The following CAMK1D variants were observed in gnomAD, a reference collection of about 807,000 sequenced individuals.
CAMK1D encodes the protein calcium/calmodulin-dependent protein kinase type 1D.
CAMK1D carries 9 observed loss-of-function variants against 47.7 expected under a neutral mutation model. The ratio of observed to expected loss-of-function variants is 0.19; its 90% CI spans 0.11 to 0.33. The LOEUF is 0.33. Ranked by LOEUF, CAMK1D falls within the 10% of genes least tolerant of loss-of-function variation. The probability of loss-of-function intolerance (pLI) is 1.00; values close to 1 mark genes in which losing one functional copy is unlikely to be tolerated. For missense variants in CAMK1D, 291 were observed against 488.7 expected (o/e 0.60, Z 3.81); for synonymous variants, 184 against 184.9 (o/e 0.99, Z 0.04).
chr10:12,358,309 G>A (rs1482734063), intron 1 of CAMK1D, among the ~76,000 whole-genome samples: 2 of 152,186 alleles, frequency 1.3e-5, no homozygotes, highest in Admixed American at 6.5e-5. Flanking sequence ...AGGCTGAGGC[G>A]AGTGGATCAC....
chr10:12,466,426 T>G (rs994485224), intron 1 of CAMK1D, among the ~76,000 whole-genome samples: 19 of 149,114 alleles, frequency 1.3e-4, no homozygotes, highest in Non-Finnish European at 2.8e-4. Flanking sequence ...CAAACAAAAA[T>G]TTTTAAAATT....
intron 3 of CAMK1D, among the ~76,000 whole-genome samples, chr10:12,693,096 G>A (rs1414593361): frequency 1.3e-5 from 2 of 152,130 alleles, no homozygotes; most frequent in African/African-American, 4.8e-5. Context: ...GGGCTTGGTG[G>A]CTCACACCTG....
intron 1 of CAMK1D, among the ~76,000 whole-genome samples, chr10:12,456,108 A>G (rs1353680468): frequency 6.6e-6 from 1 of 152,224 alleles, no homozygotes; most frequent in East Asian, 1.9e-4. Flanking sequence ...TTTTCTCATT[A>G]TAGATTCTCA....
intron 2 of CAMK1D, among the ~76,000 whole-genome samples, chr10:12,608,349 C>T (rs182641609): frequency 1.0e-3 from 154 of 152,214 alleles, no homozygotes; most frequent in African/African-American, 3.4e-3. Context: ...ACCTGGGAGG[C>T]GGAGGTTACA....
intron 1 of CAMK1D, among the ~76,000 whole-genome samples, chr10:12,415,455 ATTTTTTTT>A (rs5783266): frequency 4.3e-5 from 4 of 93,138 alleles, no homozygotes; most frequent in Non-Finnish European, 8.5e-5. Context: ...CGCCTGGCTA[ATTTTTTTT>A]TTTTTTTTTT....
chr10:12,427,688 A>G (rs777470046), intron 1 of CAMK1D, among the ~76,000 whole-genome samples: 13 of 59,130 alleles, frequency 2.2e-4, no homozygotes, highest in Non-Finnish European at 5.4e-4. Context: ...TCCTGGCTTC[A>G]CTGAACTTAC....
At position 12,479,484 on chromosome 10, in the gene CAMK1D, C is replaced by T. The variant is rs537658106; in HGVS notation, c.93-73741C>T. ...TTGCTGGGATTATAGGCGCCAGCAC[C>T]GAGCCCGGCCGAGAAGCTGCATTTC... On this transcript the variant is annotated intron_variant, in intron 1 of 10. Transcript: ENST00000619168. Among the ~76,000 whole-genome samples, 23 of 152,334 alleles carry T rather than the reference C, an allele frequency of 1.5e-4. No individual in the cohort carries two copies. The South Asian group carries it at 4.4e-3, about 29-fold the overall frequency.
chr10:12,768,047 A>T (rs1836860488), intron 4 of CAMK1D, among the ~76,000 whole-genome samples: 1 of 151,972 alleles, frequency 6.6e-6, no homozygotes, highest in Non-Finnish European at 1.5e-5. Context: ...TAATTTTTGT[A>T]TTTTTAGTAG....
intron 4 of CAMK1D, among the ~76,000 whole-genome samples, chr10:12,763,922 A>G (rs946685663): frequency 6.6e-6 from 1 of 152,118 alleles, no homozygotes; most frequent in African/African-American, 2.4e-5. Flanking sequence ...TTGTGATGCA[A>G]TGTGGGCCAG....
intron 1 of CAMK1D, among the ~76,000 whole-genome samples, chr10:12,393,619 CCTGTAAG>C (rs1838827055): frequency 6.6e-6 from 1 of 152,182 alleles, no homozygotes; most frequent in Admixed American, 6.5e-5. Flanking sequence ...CTCCCTGTAT[CCTGTAAG>C]CAGAGACCAA....
intron 3 of CAMK1D, among the ~76,000 whole-genome samples, chr10:12,723,298 T>C (rs1042248815): frequency 1.3e-5 from 2 of 152,230 alleles, no homozygotes; most frequent in Non-Finnish European, 2.9e-5. Context: ...AAGGAAAAGA[T>C]GTCTGACCTC....
chr10:12,786,551 G>T (rs562588832), intron 5 of CAMK1D, among the ~76,000 whole-genome samples: 2 of 152,160 alleles, frequency 1.3e-5, no homozygotes, highest in East Asian at 1.9e-4. Context: ...TTTTTTATTT[G>T]TTTGTTTGTT....
Position 12,631,839 on chromosome 10 carries a change from T to G in CAMK1D, c.225-34897T>G, listed in dbSNP as rs146731510. On this transcript the variant is annotated intron_variant, in intron 2 of 10. Coordinates refer to ENST00000619168, the MANE Select transcript of CAMK1D (RefSeq NM_153498.4). ...AGGCAAATAAAGTGATATGACAGGATAGAGCGTGAGGAAAGCACTTTCCAC... is the reference window on the plus strand; with the variant it reads ...AGGCAAATAAAGTGATATGACAGGAGAGAGCGTGAGGAAAGCACTTTCCAC... 8.2e-3 allele frequency among the ~76,000 whole-genome samples: 1,250 copies of G among 152,288 alleles called. 16 individuals carry two copies. Among genetic ancestry groups the G allele is most frequent in the African/African-American group, 0.029 (1,187 of 41,552 alleles).
intron 3 of CAMK1D, among the ~76,000 whole-genome samples, chr10:12,694,898 A>G (rs1833202718): frequency 6.6e-6 from 1 of 152,050 alleles, no homozygotes; most frequent in Non-Finnish European, 1.5e-5. Flanking sequence ...GTAATTTTGT[A>G]TTTTGCTAAA....
At chr10:12,786,131 T>C (rs1174583393) in intron 5 of CAMK1D, among the ~76,000 whole-genome samples, 1 of 152,172 alleles carries the variant, frequency 6.6e-6, no homozygotes, top group Non-Finnish European at 1.5e-5. Context: ...ACAAGTGAAA[T>C]TAGAATTTAG....
chr10:12,508,919 T>G (rs11257840), intron 1 of CAMK1D, among the ~76,000 whole-genome samples: 61,522 of 152,014 alleles, frequency 0.4, 13,024 homozygotes, highest in South Asian at 0.47. Flanking sequence ...CCTGGAAAAT[T>G]CTTTGTCCTG....
chr10:12,816,357 G>A (rs41291297), intron 8 of CAMK1D, 29 bp downstream of exon 8: 44 of 1,597,772 alleles, frequency 2.8e-5, no homozygotes, highest in East Asian at 6.7e-5. Flanking sequence ...TCAGCAGACC[G>A]TGCCATTTAA....
In CAMK1D at chr10:12,526,288, C is replaced by T. The variant is rs375758203; in HGVS notation, c.93-26937C>T. 2.6e-5 allele frequency among the ~76,000 whole-genome samples: 4 copies of T among 152,228 alleles called. No homozygotes were observed. In the South Asian group the frequency reaches 6.2e-4, roughly 24 times the overall value. On this transcript the variant is annotated intron_variant, in intron 1 of 10. Coordinates refer to ENST00000619168, the MANE Select transcript of CAMK1D (RefSeq NM_153498.4). The stretch of plus-strand genomic sequence containing the variant: ...GTATCTGCCCCACATACACACTTTT[C>T]AGGAGTTAGTATGGGACTTACGTGG...
intron 1 of CAMK1D, among the ~76,000 whole-genome samples, chr10:12,513,660 G>A (rs764755573): frequency 2.0e-5 from 3 of 152,236 alleles, no homozygotes; most frequent in Admixed American, 6.5e-5. Flanking sequence ...AATGAGCCAG[G>A]TGTGGTGGCA....
Sources: gnomAD v4.1 joint callset for allele counts (sites outside exome capture counted in the v4.1 genomes callset) on GRCh38, gnomAD v4.1.1 for gene constraint, MANE v1.5 for transcripts, NCBI Gene and HGNC (gene_info 2026-07-23, HGNC 2026-07-21) for gene names.